The following COL26A1 variants were observed in gnomAD, a reference collection of about 807,000 sequenced individuals.
The protein encoded by COL26A1 is collagen alpha-1(XXVI) chain.
COL26A1 carries 41 observed loss-of-function variants against 59.3 expected under a neutral mutation model. The ratio of observed to expected loss-of-function variants is 0.69; its 90% CI spans 0.54 to 0.90. COL26A1 has a LOEUF of 0.90. COL26A1 is among the 40% of genes least tolerant of loss of function. The probability of loss-of-function intolerance (pLI) is 0.00; values close to 1 mark genes in which losing one functional copy is unlikely to be tolerated. For synonymous variants in COL26A1, 266 were observed against 256.0 expected (o/e 1.04, Z -0.37); for missense variants, 612 against 602.3 (o/e 1.02, Z -0.17).
At chr7:101,429,589 C>CTTTTTTTTTTTTTTTTTTTTTTTTT in intron 2 of COL26A1, among the ~76,000 whole-genome samples, 2 of 78,688 alleles carry the variant, frequency 2.5e-5, no homozygotes, top group Middle Eastern at 0.011. Flanking sequence ...TTCTTTTTTA[C>CTTTTTTTTTTTTTTTTTTTTTTTTT]TTTTTTTTTT....
intron 1 of COL26A1, among the ~76,000 whole-genome samples, chr7:101,393,222 G>A (rs563721044): frequency 4.6e-5 from 7 of 151,988 alleles, no homozygotes; most frequent in Non-Finnish European, 7.4e-5. Flanking sequence ...TTTCTAGAGG[G>A]ACAGAACTAA....
At chr7:101,553,612 G>A (rs1795905927) in intron 11 of COL26A1, among the ~76,000 whole-genome samples, 1 of 152,154 alleles carries the variant, frequency 6.6e-6, no homozygotes, top group African/African-American at 2.4e-5. Flanking sequence ...GCCACAGAGG[G>A]GGTGATTGGC....
intron 2 of COL26A1, among the ~76,000 whole-genome samples, chr7:101,432,318 G>T (rs969098299): frequency 1.3e-5 from 2 of 152,150 alleles, no homozygotes; most frequent in Admixed American, 1.3e-4. Context: ...CATTGACCCG[G>T]CATGAGATGA....
chr7:101,366,416 G>T (rs370903127), intron 1 of COL26A1, among the ~76,000 whole-genome samples: 25 of 150,542 alleles, frequency 1.7e-4, no homozygotes, highest in African/African-American at 6.1e-4. Flanking sequence ...TGATGACAGG[G>T]CTGTTTCTTG....
At chr7:101,505,891 G>A (rs763245169) in intron 3 of COL26A1, among the ~76,000 whole-genome samples, 16 of 152,178 alleles carry the variant, frequency 1.1e-4, no homozygotes, top group Non-Finnish European at 2.1e-4. Flanking sequence ...CGGGGAAACT[G>A]AGGCCCAACA....
At chr7:101,551,229 GT>G in intron 10 of COL26A1, 86 bp downstream of exon 10, 1 of 1,041,158 alleles carries the variant, frequency 9.6e-7, no homozygotes, top group Non-Finnish European at 1.4e-6. Context: ...GCGGGGGTTG[GT>G]GGGGGGGTTC....
chr7:101,394,869 C>CTTTTTTTT (rs61005447), intron 1 of COL26A1, among the ~76,000 whole-genome samples: 6 of 97,048 alleles, frequency 6.2e-5, no homozygotes, highest in Admixed American at 1.1e-4. Context: ...TTTTTCTTTT[C>CTTTTTTTT]TTTTTTTTTT....
Position 101,362,907 on chromosome 7 carries a change from T to TC in COL26A1, c.-124dup. 6.0e-6 allele frequency: 6 copies of TC among 1,001,716 alleles called. No individual in the cohort carries two copies. The highest frequency in any genetic ancestry group is 8.3e-6 in the Non-Finnish European group (6 of 722,462). 62.1% of individuals were successfully genotyped at this position (1,001,716 alleles called of 1,614,324 possible). A position where few individuals can be genotyped will look rare whatever the true frequency, so the allele number is the denominator to read the frequency against. On this transcript the variant is annotated 5_prime_UTR_variant, in exon 1 of 13. Coordinates refer to ENST00000313669, the MANE Select transcript of COL26A1 (RefSeq NM_001278563.3). Reference sequence around the variant, plus strand: ...ACACATTTCCAGCTCGCACCCGGGCTCCGACCGCTCGCCCCGCTCCTCTCG... The same window carrying TC: ...ACACATTTCCAGCTCGCACCCGGGCTCCCGACCGCTCGCCCCGCTCCTCTCG...
chr7:101,530,813 C>T (rs73173918), intron 3 of COL26A1, among the ~76,000 whole-genome samples: 29,315 of 152,062 alleles, frequency 0.19, 2,885 homozygotes, highest in African/African-American at 0.23. Flanking sequence ...CAGTCTCCAT[C>T]CCCGCCTTGG....
At chr7:101,466,154 A>G (rs968701808) in intron 3 of COL26A1, among the ~76,000 whole-genome samples, 9 of 152,110 alleles carry the variant, frequency 5.9e-5, no homozygotes, top group Non-Finnish European at 1.3e-4. Flanking sequence ...CAATAGCCTC[A>G]GACCCAGCAT....
chr7:101,366,933 G>C (rs1443103744), intron 1 of COL26A1, among the ~76,000 whole-genome samples: 1 of 151,914 alleles, frequency 6.6e-6, no homozygotes, highest in Non-Finnish European at 1.5e-5. Flanking sequence ...TTTCCTCCAC[G>C]CTGTTGACTT....
At chr7:101,445,646 G>C (rs1231856610) in intron 2 of COL26A1, among the ~76,000 whole-genome samples, 5 of 146,324 alleles carry the variant, frequency 3.4e-5, no homozygotes, top group South Asian at 2.2e-4. Context: ...GCAGGAGAAT[G>C]GCGTGAACCC....
chr7:101,396,925 G>C (rs997308595), intron 1 of COL26A1, among the ~76,000 whole-genome samples: 16 of 152,210 alleles, frequency 1.1e-4, no homozygotes, highest in African/African-American at 3.9e-4. Flanking sequence ...TCTTGTGGCT[G>C]TGGGGTGCTC....
At chr7:101,535,834 G>C (rs947474875) in intron 4 of COL26A1, among the ~76,000 whole-genome samples, 9 of 152,212 alleles carry the variant, frequency 5.9e-5, no homozygotes, top group Admixed American at 5.9e-4. Flanking sequence ...CTCGAGTGGG[G>C]AGCTGGGGTT....
chr7:101,534,276 G>T lies in COL26A1; in HGVS notation c.447+1133G>T, dbSNP rs912451634. Reference sequence around the variant, plus strand: ...TGTCCAGAGAGAGTGTGTGAACAGGGCCACGTGGCAGGGAGGACCAGGGAC... The same window carrying T: ...TGTCCAGAGAGAGTGTGTGAACAGGTCCACGTGGCAGGGAGGACCAGGGAC... On this transcript the variant is annotated intron_variant, in intron 4 of 12. Coordinates refer to ENST00000313669, the MANE Select transcript of COL26A1 (RefSeq NM_001278563.3). 2.6e-5 allele frequency among the ~76,000 whole-genome samples: 3 copies of T among 114,772 alleles called. No homozygotes were observed. The South Asian group carries it at 7.5e-4, about 29-fold the overall frequency. The allele number at this position is 114,772 out of a possible 152,430, so 75.3% of individuals were successfully genotyped here.
At chr7:101,376,208 A>AG (rs1791316062) in intron 1 of COL26A1, among the ~76,000 whole-genome samples, 1 of 150,294 alleles carries the variant, frequency 6.7e-6, no homozygotes, top group East Asian at 2.0e-4. Context: ...GCTACCTGGG[A>AG]GGGGAGGCTG....
chr7:101,426,776 C>G (rs918183964), intron 2 of COL26A1, among the ~76,000 whole-genome samples: 7 of 152,118 alleles, frequency 4.6e-5, no homozygotes, highest in African/African-American at 1.7e-4. Context: ...CAGACTGAGG[C>G]CAAAGTATGG....
intron 3 of COL26A1, among the ~76,000 whole-genome samples, chr7:101,475,745 T>C (rs1466433226): frequency 6.6e-6 from 1 of 150,948 alleles, no homozygotes; most frequent in African/African-American, 2.4e-5. Flanking sequence ...CTTTCCTTCC[T>C]TCCTTCCTTT....
chr7:101,524,281 A>G lies in COL26A1; in HGVS notation c.386-8801A>G, dbSNP rs1409971265. On this transcript the variant is annotated intron_variant, in intron 3 of 12. Transcript: ENST00000313669. Reference sequence around the variant, plus strand: ...GTGAGACTCTGTCTCAAAGAAAAAAAAAAAAACGACTATTGCAGTGACATC... The same window carrying G: ...GTGAGACTCTGTCTCAAAGAAAAAAGAAAAAACGACTATTGCAGTGACATC... Among the ~76,000 whole-genome samples, 31 of 152,224 alleles carry G rather than the reference A, an allele frequency of 2.0e-4. 1 individual carries two copies. The East Asian group carries it at 5.2e-3, about 26-fold the overall frequency.
Sources: gnomAD v4.1 joint callset for allele counts (sites outside exome capture counted in the v4.1 genomes callset) on GRCh38, gnomAD v4.1.1 for gene constraint, MANE v1.5 for transcripts, NCBI Gene and HGNC (gene_info 2026-07-23, HGNC 2026-07-21) for gene names.